The following TLE4 variants were observed in gnomAD, a reference collection of about 807,000 sequenced individuals.
TLE4 encodes TLE family member 4, transcriptional corepressor, also known as transducin-like enhancer protein 4.
TLE4 carries 8 observed loss-of-function variants against 92.8 expected under a neutral mutation model. That is an observed-to-expected ratio of 0.09 (90% confidence interval 0.05 to 0.16). The LOEUF (loss-of-function observed/expected upper bound fraction) is 0.16, where lower values mean the gene tolerates loss of function less well. Among genes scored for constraint, TLE4 ranks in the 10% least tolerant of loss-of-function variants. The pLI is 1.00. For missense variants in TLE4, 675 were observed against 997.6 expected (o/e 0.68, Z 4.36); for synonymous variants, 371 against 374.1 (o/e 0.99, Z 0.10).
chr9:79,671,522 G>T, intron 8 of TLE4: 1 of 298,074 alleles, frequency 3.4e-6, no homozygotes, highest in Non-Finnish European at 6.9e-6. Flanking sequence ...TGTGGGGAGA[G>T]GGAGTATACC....
Position 79,605,576 on chromosome 9 carries a change from T to C in TLE4, c.253-7080T>C, listed in dbSNP as rs1190614809. Among the ~76,000 whole-genome samples the C allele has an allele frequency of 3.3e-5, 5 of 152,228 alleles. No individual in the cohort carries two copies. In the East Asian group the frequency reaches 9.7e-4, roughly 29 times the overall value. ...CATGGTAGGAGGAAAAAGAGGGTGC[T>C]CTTTTTTTTCTTTAACCATTGTAAA... On this transcript the variant is annotated intron_variant, in intron 4 of 19. Coordinates refer to ENST00000376552, the MANE Select transcript of TLE4 (RefSeq NM_007005.6).
intron 6 of TLE4, among the ~76,000 whole-genome samples, chr9:79,648,293 C>A (rs866537908): frequency 1.3e-5 from 2 of 152,218 alleles, no homozygotes; most frequent in South Asian, 4.2e-4. Context: ...TACTAAGAGG[C>A]CTGAGACTGG....
intron 8 of TLE4, among the ~76,000 whole-genome samples, chr9:79,698,642 C>G (rs1195697930): frequency 4.0e-5 from 6 of 151,878 alleles, no homozygotes; most frequent in Admixed American, 1.3e-4. Context: ...AAAAGAAAAA[C>G]CTCTTACTGT....
chr9:79,625,964 T>A (rs897814403), intron 5 of TLE4, among the ~76,000 whole-genome samples: 2 of 151,536 alleles, frequency 1.3e-5, no homozygotes, highest in Non-Finnish European at 2.9e-5. Flanking sequence ...TGCATACAAT[T>A]TAAAAACATT....
chr9:79,627,483 T>C (rs766862067), intron 6 of TLE4, 35 bp downstream of exon 6: 3 of 1,601,156 alleles, frequency 1.9e-6, no homozygotes, highest in Admixed American at 3.3e-5. Context: ...CTGATCTTAG[T>C]GTTTGTCATC....
At chr9:79,720,408 G>A (rs1343508187) in intron 16 of TLE4, 115 bp downstream of exon 16, 1 of 1,231,022 alleles carries the variant, frequency 8.1e-7, no homozygotes, top group African/African-American at 1.6e-5. Flanking sequence ...GTGTGTGTGT[G>A]TGTGTGTGTG....
At chr9:79,665,681 G>A (rs554410827) in intron 8 of TLE4, among the ~76,000 whole-genome samples, 6 of 152,170 alleles carry the variant, frequency 3.9e-5, no homozygotes, top group Non-Finnish European at 8.8e-5. Context: ...TTCAGAAAGT[G>A]TTTTGTAGGA....
intron 6 of TLE4, among the ~76,000 whole-genome samples, chr9:79,628,068 C>T (rs2053123061): frequency 6.6e-6 from 1 of 151,924 alleles, no homozygotes; most frequent in South Asian, 2.1e-4. Context: ...TTCAACTCTG[C>T]TTATATATGT....
In TLE4 at chr9:79,725,128, A is replaced by G. The variant is rs2076269365; in HGVS notation, c.2306A>G (p.Tyr769Cys). 1 of 1,613,366 alleles carries G rather than the reference A, an allele frequency of 6.2e-7. No homozygotes were observed. Among genetic ancestry groups the G allele is most frequent in the African/African-American group, 1.3e-5 (1 of 74,918 alleles). ...TCTGGGGATAAGAAGGCCACAGTTT[A>G]TGAAGTTATTTATTAAAGACAAATC... ...TGSGDKKATV[Y>C]EVIY The change falls in exon 20 of 20, where the codon TAT (tyrosine) becomes TGT (cysteine). Residue 769 changes from tyrosine (Y) to cysteine (C), a missense_variant. Tyr to Cys is a radical substitution (Grantham distance 194, BLOSUM62 -2). Transcript: ENST00000376552.
At chr9:79,632,696 T>A (rs1293405985) in intron 6 of TLE4, among the ~76,000 whole-genome samples, 1 of 152,236 alleles carries the variant, frequency 6.6e-6, no homozygotes, top group Non-Finnish European at 1.5e-5. Context: ...TCTATCTTGT[T>A]CTGCTTCTTG....
At chr9:79,671,256 A>T (rs1016584076) in intron 8 of TLE4, 1 of 456,444 alleles carries the variant, frequency 2.2e-6, no homozygotes, top group African/African-American at 2.0e-5. Flanking sequence ...ACCAAAGAGG[A>T]AGAACCTTCT....
At position 79,576,125 on chromosome 9, in the gene TLE4, T is replaced by G. The variant is rs1410048501; in HGVS notation, c.208-8T>G. On this transcript the variant is annotated splice_region_variant and splice_polypyrimidine_tract_variant and intron_variant, in intron 3 of 19. Transcript: ENST00000376552. The stretch of plus-strand genomic sequence containing the variant: ...TCATGCATTTAATTGCTTTTCCTTC[T>G]TTGACAGTATTATGAAATGTCCTAT... 6.8e-7 allele frequency: 1 copy of G among 1,473,916 alleles called. No individual in the cohort carries two copies. Among genetic ancestry groups the G allele is most frequent in the Non-Finnish European group, 9.1e-7 (1 of 1,101,592 alleles). 91.3% of individuals were successfully genotyped at this position (1,473,916 alleles called of 1,614,324 possible). A position where few individuals can be genotyped will look rare whatever the true frequency, so the allele number is the denominator to read the frequency against.
intron 6 of TLE4, among the ~76,000 whole-genome samples, chr9:79,637,219 T>C (rs1013693401): frequency 2.6e-5 from 4 of 152,216 alleles, no homozygotes; most frequent in African/African-American, 9.6e-5. Context: ...TAACTAAATA[T>C]AGTAGATGTT....
chr9:79,626,197 A>G (rs2052564938), intron 5 of TLE4, among the ~76,000 whole-genome samples: 1 of 152,168 alleles, frequency 6.6e-6, no homozygotes. Flanking sequence ...TGGTCACCCT[A>G]GTTAATCTCA....
chr9:79,616,559 C>T (rs949006060), intron 5 of TLE4, among the ~76,000 whole-genome samples: 1 of 152,088 alleles, frequency 6.6e-6, no homozygotes, highest in East Asian at 1.9e-4. Flanking sequence ...CTCTAATGTC[C>T]TTATAGAAGA....
chr9:79,598,095 A>C (rs1031685481), intron 4 of TLE4, among the ~76,000 whole-genome samples: 3 of 150,564 alleles, frequency 2.0e-5, no homozygotes, highest in Admixed American at 6.6e-5. Flanking sequence ...AAAAAAAAAA[A>C]AAACTTACCC....
Position 79,702,997 on chromosome 9 carries a change from G to A in TLE4, c.610-1786G>A, listed in dbSNP as rs184258680. Among the ~76,000 whole-genome samples the A allele has an allele frequency of 1.1e-4, 16 of 152,084 alleles. No individual in the cohort carries two copies. In the East Asian group the frequency reaches 2.3e-3, roughly 22 times the overall value. ...ACTTTCTCTCATAGTTAATTAAAAG[G>A]GCCTCGTAAATGTTGTATGTTTTTA... On this transcript the variant is annotated intron_variant, in intron 8 of 19. Coordinates refer to ENST00000376552, the MANE Select transcript of TLE4 (RefSeq NM_007005.6).
intron 4 of TLE4, among the ~76,000 whole-genome samples, chr9:79,610,546 AC>A (rs919454036): frequency 6.6e-6 from 1 of 151,012 alleles, no homozygotes; most frequent in Admixed American, 6.6e-5. Flanking sequence ...CACACACCCC[AC>A]CCCCCCACTG....
At chr9:79,584,527 A>G (rs1018578429) in intron 4 of TLE4, among the ~76,000 whole-genome samples, 8 of 152,210 alleles carry the variant, frequency 5.3e-5, no homozygotes, top group African/African-American at 1.7e-4. Flanking sequence ...TGTAAGCTCC[A>G]TGAAAACAGG....
Sources: gnomAD v4.1 joint callset for allele counts (sites outside exome capture counted in the v4.1 genomes callset) on GRCh38, gnomAD v4.1.1 for gene constraint, MANE v1.5 for transcripts, NCBI Gene and HGNC (gene_info 2026-07-23, HGNC 2026-07-21) for gene names.